The following SCN8A variants were observed in gnomAD, a reference collection of about 807,000 sequenced individuals.
The protein encoded by SCN8A is sodium voltage-gated channel alpha subunit 8, also known as sodium channel protein type 8 subunit alpha.
A neutral mutation model predicts 184.1 loss-of-function variants in SCN8A; 30 were observed. The observed-to-expected ratio is 0.16, with a 90% CI of 0.12 to 0.22. The LOEUF (loss-of-function observed/expected upper bound fraction) is 0.22, where lower values mean the gene tolerates loss of function less well. SCN8A is among the 10% of genes least tolerant of loss of function. SCN8A has a pLI of 1.00. For missense variants in SCN8A, 1,057 were observed against 2,498.9 expected, an observed-to-expected ratio of 0.42 and a Z score of 12.30; for synonymous variants, 852 against 907.0, an observed-to-expected ratio of 0.94 and a Z score of 1.09.
At position 51,807,320 on chromosome 12, in the gene SCN8A, C is replaced by G; in HGVS notation, c.5834C>G (p.Pro1945Arg). Residue 1945 changes from proline (P) to arginine (R), a missense_variant, in exon 27 of 27, where the codon CCG becomes CGG. Physicochemically the swap from Pro to Arg is moderately radical, Grantham distance 103 (BLOSUM62 -2). Around this residue, in one of 19 missense-constraint regions of SCN8A, gnomAD observed 95 missense variants for 140.2 expected, o/e 0.68. Transcript: ENST00000627620. This position sits in a 1 kb window ranked among gnomAD's most constrained non-coding sequence, Gnocchi z 4.5. ...AGCACCCCATCTACAGCCTCCCTCC[C>G]GTCCTATGACAGTGTAACTAAACCT... ...KESTPSTASLPSYDSVTKPEK... is the reference protein window; with the variant it reads ...KESTPSTASLRSYDSVTKPEK... 1.9e-6 allele frequency: 3 copies of G among 1,613,836 alleles called. No individual in the cohort carries two copies. The highest frequency in any genetic ancestry group is 2.5e-6 in the Non-Finnish European group (3 of 1,179,824).
Position 51,702,785 on chromosome 12 carries a change from G to A in SCN8A, c.1005G>A (p.Glu335=). The A allele has an allele frequency of 6.2e-7, 1 of 1,606,522 alleles. No individual in the cohort carries two copies. Among genetic ancestry groups the A allele is most frequent in the South Asian group, 1.1e-5 (1 of 89,294 alleles). ...TTTCTTTCTTTAGGCAATGCCCAGA[G>A]GGATACCAGTGTATGAAAGCAGGAA... is the stretch of plus-strand genomic sequence containing the variant. ...GNSSDAGQCP[E]GYQCMKAGRN... is the part of the protein sequence containing the mutation. The change falls in exon 9 of 27, where the codon GAG becomes GAA. Residue 335 remains glutamate (E), a synonymous_variant. Coordinates refer to ENST00000627620, the MANE Select transcript of SCN8A (RefSeq NM_001330260.2).
chr12:51,653,482 A>G (rs1400002650), intron 1 of SCN8A, among the ~76,000 whole-genome samples: 2 of 152,152 alleles, frequency 1.3e-5, no homozygotes, highest in Non-Finnish European at 2.9e-5. Flanking sequence ...AGATTCCTCC[A>G]TGTTGTAGCA....
chr12:51,669,200 A>G (rs995833225), intron 2 of SCN8A, among the ~76,000 whole-genome samples: 3 of 152,234 alleles, frequency 2.0e-5, no homozygotes, highest in South Asian at 2.1e-4. Context: ...TGGAACTACC[A>G]TCCCAAATAT....
Position 51,597,371 on chromosome 12 carries a change from G to A in SCN8A, c.-55+6012G>A, listed in dbSNP as rs1456807307. Among the ~76,000 whole-genome samples, 4 of 152,278 alleles carry A rather than the reference G, an allele frequency of 2.6e-5. No individual in the cohort carries two copies. The East Asian group carries it at 7.7e-4, about 29-fold the overall frequency. On this transcript the variant is annotated intron_variant, in intron 1 of 26. Coordinates refer to ENST00000627620, the MANE Select transcript of SCN8A (RefSeq NM_001330260.2). ...GGCTCCTTTCATATTCAGCTGATTA[G>A]TGTAGTTTTTTGTGCTATAAATTTT...
chr12:51,792,840 T>C (rs1356880286), intron 25 of SCN8A, among the ~76,000 whole-genome samples: 1 of 152,140 alleles, frequency 6.6e-6, no homozygotes, highest in African/African-American at 2.4e-5. Context: ...CCTCCCAGGT[T>C]CAAGCAATTC....
At chr12:51,727,869 GA>G (rs1398654554) in intron 12 of SCN8A, among the ~76,000 whole-genome samples, 1 of 152,076 alleles carries the variant, frequency 6.6e-6, no homozygotes, top group Non-Finnish European at 1.5e-5. Flanking sequence ...AGAATCACTT[GA>G]ACCTAGGAGG....
chr12:51,618,939 GC>G (rs1283259703), intron 1 of SCN8A, among the ~76,000 whole-genome samples: 1 of 152,038 alleles, frequency 6.6e-6, no homozygotes, highest in Non-Finnish European at 1.5e-5. Flanking sequence ...TCTGCACTTA[GC>G]ACCAGATTGG....
intron 1 of SCN8A, among the ~76,000 whole-genome samples, chr12:51,634,562 G>C (rs1411445671): frequency 6.6e-6 from 1 of 151,782 alleles, no homozygotes; most frequent in Non-Finnish European, 1.5e-5. Flanking sequence ...GTTCTCTTAA[G>C]TATTAGGCTC....
At chr12:51,745,432 A>G (rs1332288262) in intron 12 of SCN8A, among the ~76,000 whole-genome samples, 3 of 152,218 alleles carry the variant, frequency 2.0e-5, no homozygotes, top group African/African-American at 4.8e-5. Flanking sequence ...TACTCAAGGA[A>G]GAAACAGCAT....
At chr12:51,608,793 C>T (rs953952832) in intron 1 of SCN8A, among the ~76,000 whole-genome samples, 2 of 151,776 alleles carry the variant, frequency 1.3e-5, no homozygotes, top group African/African-American at 4.8e-5. Context: ...TTGATTTGTT[C>T]TTGTTTCTCT....
At chr12:51,679,681 TA>T (rs1405461357) in intron 2 of SCN8A, among the ~76,000 whole-genome samples, 1 of 151,782 alleles carries the variant, frequency 6.6e-6, no homozygotes, top group Non-Finnish European at 1.5e-5. Context: ...GGGAAATTCC[TA>T]AGCTTTGAGT....
At position 51,721,905 on chromosome 12, in the gene SCN8A, A is replaced by G. The variant is rs1231370273; in HGVS notation, c.1995A>G (p.Pro665=). The change falls in exon 12 of 27, where the codon CCA becomes CCG. Residue 665 remains proline (P), a synonymous_variant. Coordinates refer to ENST00000627620, the MANE Select transcript of SCN8A (RefSeq NM_001330260.2). ...PGSHIGGRLL[P]EATTEVEIKK... is the part of the protein sequence containing the mutation. Reference sequence around the variant, plus strand: ...CCCACATCGGCGGGCGTCTCCTGCCAGAGGTGAAAATTGATAAGGCAGCTA... The same window carrying G: ...CCCACATCGGCGGGCGTCTCCTGCCGGAGGTGAAAATTGATAAGGCAGCTA... 7 of 1,599,844 alleles carry G rather than the reference A, an allele frequency of 4.4e-6. No homozygotes were observed. Among genetic ancestry groups the G allele is most frequent in the Non-Finnish European group, 5.1e-6 (6 of 1,179,774 alleles).
intron 1 of SCN8A, among the ~76,000 whole-genome samples, chr12:51,644,643 T>C (rs573987263): frequency 6.6e-6 from 1 of 152,260 alleles, no homozygotes; most frequent in East Asian, 1.9e-4. Flanking sequence ...TTGCAGCCTC[T>C]GCCCGGCCGC....
In SCN8A at chr12:51,661,400, T is replaced by C. The variant is rs1451226879; in HGVS notation, c.-54-1364T>C. Among the ~76,000 whole-genome samples, 4 of 152,156 alleles carry C rather than the reference T, an allele frequency of 2.6e-5. No homozygotes were observed. In the East Asian group the frequency reaches 7.7e-4, roughly 29 times the overall value. ...TGTGAGTGAGCAAGCTGACCGGCCCTCATACAGACACTACACACTGTCTTG... is the reference window on the plus strand; with the variant it reads ...TGTGAGTGAGCAAGCTGACCGGCCCCCATACAGACACTACACACTGTCTTG... On this transcript the variant is annotated intron_variant, in intron 1 of 26. Coordinates refer to ENST00000627620, the MANE Select transcript of SCN8A (RefSeq NM_001330260.2).
At chr12:51,605,280 C>T (rs193289567) in intron 1 of SCN8A, among the ~76,000 whole-genome samples, 20 of 152,262 alleles carry the variant, frequency 1.3e-4, no homozygotes, top group Admixed American at 1.3e-3. Context: ...CCAAAGTCCA[C>T]TGTATCATTC....
chr12:51,702,321 C>CA (rs747855764), intron 8 of SCN8A, among the ~76,000 whole-genome samples: 12,580 of 76,224 alleles, frequency 0.17, 1,372 homozygotes, highest in African/African-American at 0.35. Flanking sequence ...GACTCTGTAT[C>CA]AAAAAAAAAA....
chr12:51,786,910 C>A, intron 22 of SCN8A, 84 bp downstream of exon 22: 1 of 1,285,254 alleles, frequency 7.8e-7, no homozygotes, highest in Non-Finnish European at 1.1e-6. Context: ...CTTCTCAACC[C>A]TACTTCTAGA....
intron 1 of SCN8A, among the ~76,000 whole-genome samples, chr12:51,622,067 T>G (rs1164481662): frequency 6.6e-6 from 1 of 152,248 alleles, no homozygotes; most frequent in Non-Finnish European, 1.5e-5. Context: ...TTCTGTCACA[T>G]AGAAATGTTG....
intron 12 of SCN8A, among the ~76,000 whole-genome samples, chr12:51,734,185 T>C (rs1314257021): frequency 6.6e-6 from 1 of 152,326 alleles, no homozygotes; most frequent in African/African-American, 2.4e-5. Flanking sequence ...TCTTCTTTTT[T>C]GATGTCAGTG....
Sources: allele counts gnomAD v4.1 joint callset (sites outside exome capture counted in the v4.1 genomes callset), GRCh38; gene constraint gnomAD v4.1.1; regional missense constraint gnomAD v4.1.1; non-coding constraint Gnocchi (gnomAD v3.1); transcripts MANE v1.5; gene names NCBI Gene and HGNC (gene_info 2026-07-23, HGNC 2026-07-21).